RBPJ: variants seen among roughly 807,000 people sequenced by gnomAD.
RBPJ encodes recombining binding protein suppressor of hairless.
RBPJ carries 9 observed loss-of-function variants against 67.8 expected under a neutral mutation model. The observed-to-expected ratio is 0.13, with a 90% CI of 0.08 to 0.23. RBPJ has a LOEUF of 0.23. Among genes scored for constraint, RBPJ ranks in the 10% least tolerant of loss-of-function variants. The probability of loss-of-function intolerance (pLI) is 1.00; values close to 1 mark genes in which losing one functional copy is unlikely to be tolerated. For missense variants in RBPJ, 305 were observed against 595.6 expected (o/e 0.51, Z 5.08); for synonymous variants, 198 against 203.3 (o/e 0.97, Z 0.22).
chr4:26,394,261 A>T lies in RBPJ; in HGVS notation c.59+7870A>T, dbSNP rs564477557. 3.2e-4 allele frequency among the ~76,000 whole-genome samples: 48 copies of T among 152,152 alleles called. 1 individual carries two copies. The East Asian group carries it at 8.1e-3, about 26-fold the overall frequency. On this transcript the variant is annotated intron_variant, in intron 2 of 10. Coordinates refer to ENST00000355476, the MANE Select transcript of RBPJ (RefSeq NM_015874.6). ...CCAGGATGGTCTTGATCTCCTGACC[A>T]CGTGATCCGCCCTCCTTGGCCTCCC...
chr4:26,351,181 G>A (rs1280527401), intron 1 of RBPJ, among the ~76,000 whole-genome samples: 1 of 152,084 alleles, frequency 6.6e-6, no homozygotes, highest in African/African-American at 2.4e-5. Flanking sequence ...GGCCCATCCT[G>A]TGGATTTCAA....
intron 2 of RBPJ, among the ~76,000 whole-genome samples, chr4:26,388,547 TTAG>T (rs1731154587): frequency 6.6e-6 from 1 of 152,084 alleles, no homozygotes; most frequent in African/African-American, 2.4e-5. Flanking sequence ...CAGACTGTAA[TTAG>T]TAGAACCTGA....
chr4:26,346,982 ACT>A (rs773112564), intron 1 of RBPJ, among the ~76,000 whole-genome samples: 4 of 151,526 alleles, frequency 2.6e-5, no homozygotes, highest in Non-Finnish European at 5.9e-5. Flanking sequence ...ACAGAGCGAG[ACT>A]CCATCTCAAA....
At chr4:26,308,491 A>C (rs1405380620) in intron 1 of RBPJ, among the ~76,000 whole-genome samples, 1 of 152,244 alleles carries the variant, frequency 6.6e-6, no homozygotes, top group Non-Finnish European at 1.5e-5. Context: ...TAATGACAAT[A>C]ACATTTTAAA....
At chr4:26,222,260 G>A (rs1042786180) in intron 1 of RBPJ, among the ~76,000 whole-genome samples, 1 of 152,152 alleles carries the variant, frequency 6.6e-6, no homozygotes, top group East Asian at 1.9e-4. Context: ...CTGGGAGGCC[G>A]AGGCATGTGG....
intron 1 of RBPJ, among the ~76,000 whole-genome samples, chr4:26,308,033 GT>G (rs1160347609): frequency 6.6e-6 from 1 of 152,162 alleles, no homozygotes; most frequent in Non-Finnish European, 1.5e-5. Context: ...TCCTAGCAGT[GT>G]GGGAGGCCTG....
intron 1 of RBPJ, among the ~76,000 whole-genome samples, chr4:26,363,986 GTGTT>G (rs1458968294): frequency 2.0e-5 from 3 of 152,136 alleles, no homozygotes; most frequent in Middle Eastern, 3.2e-3. Flanking sequence ...TTCATACTGT[GTGTT>G]TGGTATTAAA....
the RBPJ span, among the ~76,000 whole-genome samples, chr4:26,122,311 T>C: frequency 6.6e-6 from 1 of 152,166 alleles, no homozygotes; most frequent in South Asian, 2.1e-4. Flanking sequence ...ACAGCAAATA[T>C]TATTCCCATT....
At chr4:26,319,158 G>A (rs1722779665), upstream of RBPJ, among the ~76,000 whole-genome samples, 1 of 151,878 alleles carries the variant, frequency 6.6e-6, no homozygotes. Context: ...CGGAGGCGGG[G>A]GGCGCGGTGT....
At chr4:26,142,441 C>T in the RBPJ span, among the ~76,000 whole-genome samples, 2 of 152,210 alleles carry the variant, frequency 1.3e-5, no homozygotes, top group Admixed American at 1.3e-4. Flanking sequence ...CTTCACTGGG[C>T]AGCTGGTGAG....
chr4:26,359,760 T>C (rs1727845395), intron 1 of RBPJ: 1 of 152,286 alleles, frequency 6.6e-6, no homozygotes, highest in Non-Finnish European at 1.5e-5. Context: ...GAGCTGGAGC[T>C]GACCCTCGGC....
At chr4:26,159,903 C>CG (rs1484979121), upstream of RBPJ, among the ~76,000 whole-genome samples, 1 of 125,038 alleles carries the variant, frequency 8.0e-6, no homozygotes, top group African/African-American at 2.9e-5. Flanking sequence ...GGGCAAGAAG[C>CG]TTTCTCTCTC....
At chr4:26,235,311 T>C (rs2109210795) in intron 1 of RBPJ, among the ~76,000 whole-genome samples, 1 of 152,330 alleles carries the variant, frequency 6.6e-6, no homozygotes, top group East Asian at 1.9e-4. Context: ...CAACGTAGGT[T>C]TTGAGTTCTA....
intron 1 of RBPJ, among the ~76,000 whole-genome samples, chr4:26,273,733 G>C (rs1312771914): frequency 6.6e-6 from 1 of 152,208 alleles, no homozygotes; most frequent in Admixed American, 6.5e-5. Flanking sequence ...AAGAAGTGGG[G>C]AAGTGGGAGG....
intron 1 of RBPJ, among the ~76,000 whole-genome samples, chr4:26,228,705 G>A (rs911159528): frequency 2.6e-5 from 4 of 152,326 alleles, no homozygotes; most frequent in East Asian, 3.9e-4. Flanking sequence ...GAATTCTCCC[G>A]TAGGGGATAA....
At chr4:26,317,979 C>G (rs1015041047), upstream of RBPJ, among the ~76,000 whole-genome samples, 3 of 152,218 alleles carry the variant, frequency 2.0e-5, no homozygotes, top group South Asian at 4.1e-4. Flanking sequence ...CTTGGGATGA[C>G]AGCTCCAAGG....
chr4:26,178,776 G>A (rs1002608963), intron 1 of RBPJ, among the ~76,000 whole-genome samples: 3 of 150,792 alleles, frequency 2.0e-5, no homozygotes, highest in Admixed American at 6.7e-5. Flanking sequence ...GAACTGTGCC[G>A]TTTGGAATTT....
chr4:26,314,662 G>A (rs1316346314), upstream of RBPJ, among the ~76,000 whole-genome samples: 2 of 152,156 alleles, frequency 1.3e-5, no homozygotes, highest in African/African-American at 4.8e-5. Context: ...TGTCTGCCAT[G>A]AGTAAAAGCT....
intron 3 of RBPJ, among the ~76,000 whole-genome samples, chr4:26,407,017 A>G (rs189604728): frequency 6.6e-6 from 1 of 152,346 alleles, no homozygotes; most frequent in Admixed American, 6.5e-5. Context: ...CAGAAGGGTA[A>G]TTTAATAAAG....
Sources: gnomAD v4.1 joint callset for allele counts (sites outside exome capture counted in the v4.1 genomes callset) on GRCh38, gnomAD v4.1.1 for gene constraint, MANE v1.5 for transcripts, NCBI Gene and HGNC (gene_info 2026-07-23, HGNC 2026-07-21) for gene names.